CCNH: variants seen among roughly 807,000 people sequenced by gnomAD.
CCNH encodes the protein cyclin H.
Under a neutral mutation model 41.9 loss-of-function variants are expected in CCNH, and 31 were observed. That is an observed-to-expected ratio of 0.74 (90% CI 0.56 to 1.00). The LOEUF (loss-of-function observed/expected upper bound fraction) is 1.00, where lower values mean the gene tolerates loss of function less well. Ranked by LOEUF, CCNH falls within the 50% of genes least tolerant of loss-of-function variation. CCNH has a pLI of 0.00. For missense variants in CCNH, 362 were observed against 388.4 expected (o/e 0.93, Z 0.57); for synonymous variants, 138 against 136.1 (o/e 1.01, Z -0.10).
chr5:87,312,510 A>G, the CCNH span, among the ~76,000 whole-genome samples: 5 of 152,240 alleles, frequency 3.3e-5, no homozygotes, highest in Non-Finnish European at 7.3e-5. Flanking sequence ...ATTGACAGCT[A>G]TAACCTACAG....
At chr5:87,372,039 G>GA (rs35014912), downstream of CCNH, 800,411 of 1,020,314 alleles carry the variant, frequency 0.78, 291,162 homozygotes, top group Middle Eastern at 0.84. Flanking sequence ...TGTTGAATTT[G>GA]AAAAAAAAAA....
chr5:87,404,839 A>C lies in CCNH; in HGVS notation c.689+5T>G. On this transcript the variant is annotated splice_donor_5th_base_variant and intron_variant, in intron 5 of 8. Transcript: ENST00000256897. The stretch of plus-strand genomic sequence containing the variant: ...TTTGACCTAAGTTAAAAAACTAATT[A>C]ATACCTTTCCATAGTAATTCCAGCC... The C allele has an allele frequency of 6.3e-7, 1 of 1,595,396 alleles. No individual in the cohort carries two copies. The highest frequency in any genetic ancestry group is 8.5e-7 in the Non-Finnish European group (1 of 1,173,522).
In CCNH at chr5:87,394,469, C is replaced by G; in HGVS notation, c.949G>C (p.Asp317His). The G allele has an allele frequency of 6.2e-7, 1 of 1,613,596 alleles. No homozygotes were observed. Among genetic ancestry groups the G allele is most frequent in the Non-Finnish European group, 8.5e-7 (1 of 1,179,686 alleles). ...SKHEEEEWTD[D>H]DLVESL ...GGTTAGAGAGATTCTACCAGGTCGT[C>G]ATCAGTCCATTCTTCCTAAGAAGGA... The change falls in exon 9 of 9, where the codon GAC (aspartate) becomes CAC (histidine). Residue 317 changes from aspartate (D) to histidine (H), a missense_variant. Physicochemically the swap from Asp to His is moderately conservative, Grantham distance 81 (BLOSUM62 -1). Transcript: ENST00000256897.
chr5:87,383,795 A>G lies in CCNH; in HGVS notation c.*90+8975T>C. 9 of 1,594,584 alleles carry G rather than the reference A, an allele frequency of 5.6e-6. No homozygotes were observed. Among genetic ancestry groups the G allele is most frequent in the Non-Finnish European group, 7.7e-6 (9 of 1,163,986 alleles). ...TATCATCTCAGGTAATCAGCTTTTGATACATTTTGAAATTCAAAATATTAG... is the reference window on the plus strand; with the variant it reads ...TATCATCTCAGGTAATCAGCTTTTGGTACATTTTGAAATTCAAAATATTAG... On this transcript the variant is annotated intron_variant and NMD_transcript_variant, in intron 9 of 9. Transcript: ENST00000645953.
downstream of CCNH, among the ~76,000 whole-genome samples, chr5:87,388,523 A>G (rs865971456): frequency 5.9e-5 from 9 of 152,206 alleles, no homozygotes; most frequent in Admixed American, 1.3e-4. Context: ...TCAACTGGCA[A>G]GTATACTGCA....
chr5:87,379,768 G>A (rs372941256), upstream of CCNH: 3 of 1,612,494 alleles, frequency 1.9e-6, no homozygotes, highest in African/African-American at 2.7e-5. Flanking sequence ...AAATGAAGAT[G>A]TGAACACTAA....
At chr5:87,387,206 A>T (rs922981013), downstream of CCNH, among the ~76,000 whole-genome samples, 3 of 152,098 alleles carry the variant, frequency 2.0e-5, no homozygotes, top group African/African-American at 7.2e-5. Flanking sequence ...TCTGACTGCC[A>T]TGACATTCTG....
chr5:87,384,372 GA>G (rs1268441807), intron 9 of CCNH, among the ~76,000 whole-genome samples: 1 of 152,068 alleles, frequency 6.6e-6, no homozygotes, highest in East Asian at 1.9e-4. Context: ...GGATAACAGG[GA>G]TATTTGTGAC....
the CCNH span, among the ~76,000 whole-genome samples, chr5:87,313,096 G>C: frequency 6.6e-6 from 1 of 152,208 alleles, no homozygotes; most frequent in Non-Finnish European, 1.5e-5. Context: ...AAGTTGTATG[G>C]ACTGCAGATA....
chr5:87,358,579 A>AAG (rs1759834262), intron 9 of CCNH, among the ~76,000 whole-genome samples: 1 of 152,204 alleles, frequency 6.6e-6, no homozygotes, highest in Non-Finnish European at 1.5e-5. Context: ...TTGTCCCCTT[A>AAG]TGCTGCATGC....
At chr5:87,364,045 T>C (rs1760319465) in intron 9 of CCNH, among the ~76,000 whole-genome samples, 1 of 152,146 alleles carries the variant, frequency 6.6e-6, no homozygotes, top group Non-Finnish European at 1.5e-5. Flanking sequence ...CTTGATTACA[T>C]CTAGATTTTT....
At chr5:87,406,350 G>A (rs1335770093) in intron 4 of CCNH, among the ~76,000 whole-genome samples, 1 of 152,052 alleles carries the variant, frequency 6.6e-6, no homozygotes, top group East Asian at 1.9e-4. Context: ...ATGTGCATCA[G>A]TCTCTTCCAT....
intron 9 of CCNH, among the ~76,000 whole-genome samples, chr5:87,329,670 AAT>A (rs1757472129): frequency 6.6e-6 from 1 of 152,156 alleles, no homozygotes; most frequent in Non-Finnish European, 1.5e-5. Flanking sequence ...AGTATATAAA[AAT>A]AGAGATTTTT....
At chr5:87,404,260 C>G (rs1378350161) in intron 5 of CCNH, among the ~76,000 whole-genome samples, 6 of 152,252 alleles carry the variant, frequency 3.9e-5, no homozygotes, top group East Asian at 3.9e-4. Flanking sequence ...ACAATCTGCT[C>G]TATTTGCTGC....
At chr5:87,334,828 G>A (rs1460135404) in intron 9 of CCNH, among the ~76,000 whole-genome samples, 1 of 152,054 alleles carries the variant, frequency 6.6e-6, no homozygotes, top group Non-Finnish European at 1.5e-5. Context: ...CACTTCTGCT[G>A]TGTACCAGGG....
chr5:87,340,886 A>T (rs184141363), intron 9 of CCNH, among the ~76,000 whole-genome samples: 177 of 152,298 alleles, frequency 1.2e-3, no homozygotes, highest in Admixed American at 3.1e-3. Flanking sequence ...AGTATGAGAC[A>T]GGAAATGTAG....
intron 9 of CCNH, among the ~76,000 whole-genome samples, chr5:87,360,697 T>G (rs2136299): frequency 0.032 from 4,856 of 152,252 alleles, 161 homozygotes; most frequent in African/African-American, 0.074. Context: ...AACAGGATAA[T>G]AGAAGTAATA....
rs1758179628 is a variant in CCNH at position 87,338,536 on chromosome 5, A to AAT, written c.*91-19640_*91-19639insAT. 5.9e-5 allele frequency among the ~76,000 whole-genome samples: 5 copies of AAT among 85,222 alleles called. No homozygotes were observed. In the East Asian group the frequency reaches 1.5e-3, roughly 25 times the overall value. The allele number at this position is 85,222 out of a possible 152,430, so 55.9% of individuals were successfully genotyped here. A position where few individuals can be genotyped will look rare whatever the true frequency, so the allele number is the denominator to read the frequency against. ...ATATATATATATATATATATATAAAATTTTTTTTTTTTTTAAGTAGAAATG... is the reference window on the plus strand; with the variant it reads ...ATATATATATATATATATATATAAAAATTTTTTTTTTTTTTTAAGTAGAAATG... On this transcript the variant is annotated intron_variant and NMD_transcript_variant, in intron 9 of 9. Transcript: ENST00000645953.
rs114067126 is a variant in CCNH, at chr5:87,356,710, C to T, written c.*90+36060G>A. Among the ~76,000 whole-genome samples, 629 of 152,272 alleles carry T rather than the reference C, an allele frequency of 4.1e-3. 9 individuals carry two copies. Among genetic ancestry groups the T allele is most frequent in the African/African-American group, 0.014 (602 of 41,546 alleles). ...GTAATAAAATATTTTTAAATTAACA[C>T]GTGTACATTGTTAGACATAATGCTA... On this transcript the variant is annotated intron_variant and NMD_transcript_variant, in intron 9 of 9. Coordinates refer to the CCNH transcript ENST00000645953.
Sources: allele counts gnomAD v4.1 joint callset (sites outside exome capture counted in the v4.1 genomes callset), GRCh38; gene constraint gnomAD v4.1.1; transcripts MANE v1.5; gene names NCBI Gene and HGNC (gene_info 2026-07-23, HGNC 2026-07-21).